Variants in CTSK observed in about 807,000 individuals in gnomAD.
CTSK encodes the protein cathepsin K.
A neutral mutation model predicts 40.5 loss-of-function variants in CTSK; 26 were observed. That is an observed-to-expected ratio of 0.64 (90% CI 0.47 to 0.89). The LOEUF (loss-of-function observed/expected upper bound fraction) is 0.89, where lower values mean the gene tolerates loss of function less well. Ranked by LOEUF, CTSK falls within the 40% of genes least tolerant of loss-of-function variation. The pLI is 0.00. For synonymous variants in CTSK, 132 were observed against 143.2 expected (o/e 0.92, Z 0.56); for missense variants, 292 against 400.1 (o/e 0.73, Z 2.30).
chr1:150,808,242 C>T lies in CTSK; in HGVS notation c.-30G>A, dbSNP rs976369210. 2.0e-5 allele frequency: 3 copies of T among 152,488 alleles called. No individual in the cohort carries two copies. The highest frequency in any genetic ancestry group is 4.8e-5 in the African/African-American group (2 of 41,424). The allele number at this position is 152,488 out of a possible 1,614,324, so 9.4% of individuals were successfully genotyped here. On this transcript the variant is annotated 5_prime_UTR_variant, in exon 1 of 8. Coordinates refer to ENST00000271651, the MANE Select transcript of CTSK (RefSeq NM_000396.4). ...CTGATGGAAATCTGTTGTCTGGCTT[C>T]GTTTCGGCAGCAAAGTGTGGGCACA... is the stretch of plus-strand genomic sequence containing the variant.
At chr1:150,807,005 TTCTC>T (rs71659432) in intron 1 of CTSK, among the ~76,000 whole-genome samples, 199 bp from the exon 2 acceptor site, 21 of 139,040 alleles carry the variant, frequency 1.5e-4, no homozygotes, top group South Asian at 7.3e-4. Flanking sequence ...ATTTCTCTCT[TTCTC>T]TCTCTCTCTC....
chr1:150,804,219 C>T lies in CTSK; in HGVS notation c.420G>A (p.Trp140Ter). The change falls in exon 5 of 8, where the codon TGG becomes TGA. Residue 140 changes from tryptophan to a stop codon, truncating the protein, a stop_gained. Coordinates refer to ENST00000271651, the MANE Select transcript of CTSK (RefSeq NM_000396.4). LOFTEE classifies it high-confidence loss of function. ...VKNQGQCGSC[W>*]AFSSVGALEG... ...CCAGGGCACCCACAGAGCTAAAAGC[C>T]CAACAGGAACCACACTGACCCTGAA... is the stretch of plus-strand genomic sequence containing the variant. The T allele has an allele frequency of 6.2e-7, 1 of 1,614,072 alleles. No individual in the cohort carries two copies. The highest frequency in any genetic ancestry group is 8.5e-7 in the Non-Finnish European group (1 of 1,179,966).
rs751884690 is a variant in CTSK, at chr1:150,799,528, A to G, written c.784+16T>C. ...ATCATAAAAGACAGTGCTGTATAGG[A>G]TCAGCAGCTTCTTACCTTTGCTGTA... On this transcript the variant is annotated intron_variant, in intron 6 of 7. Coordinates refer to ENST00000271651, the MANE Select transcript of CTSK (RefSeq NM_000396.4). 1 of 1,613,542 alleles carries G rather than the reference A, an allele frequency of 6.2e-7. No individual in the cohort carries two copies. Among genetic ancestry groups the G allele is most frequent in the Non-Finnish European group, 8.5e-7 (1 of 1,179,444 alleles).
At chr1:150,806,068 G>A in intron 3 of CTSK, 34 bp downstream of exon 3, 1 of 1,614,184 alleles carries the variant, frequency 6.2e-7, no homozygotes, top group Non-Finnish European at 8.5e-7. Flanking sequence ...AAAGCAAATG[G>A]TGCAGGTGGG....
At chr1:150,800,831 CATT>C (rs1304709775) in intron 5 of CTSK, 1 of 152,288 alleles carries the variant, frequency 6.6e-6, no homozygotes, top group East Asian at 1.9e-4. Context: ...CATTATCTAA[CATT>C]ATCTAAATAT....
rs760640027 is a variant in CTSK at position 150,806,144 on chromosome 1, ACCAAGAGAAGC to A, written c.190_200del (p.Ala64CysfsTer5). ...TCATAGCCAGTTCATATGTATGGACACCAAGAGAAGCCTCAAGGTTATGGATGGAAATATAC... is the reference window on the plus strand; with the variant it reads ...TCATAGCCAGTTCATATGTATGGACACTCAAGGTTATGGATGGAAATATAC... On this transcript the variant is annotated frameshift_variant, in exon 3 of 8. Transcript: ENST00000271651. LOFTEE classifies it high-confidence loss of function. The A allele has an allele frequency of 6.8e-6, 11 of 1,614,112 alleles. No homozygotes were observed. Among genetic ancestry groups the A allele is most frequent in the African/African-American group, 4.0e-5 (3 of 74,944 alleles).
intron 1 of CTSK, chr1:150,807,174 C>CAGTG (rs1258141140): frequency 8.8e-6 from 4 of 454,408 alleles, no homozygotes; most frequent in Non-Finnish European, 1.8e-5. Flanking sequence ...AGAATGGGCT[C>CAGTG]AGTGCGTTTC....
intron 4 of CTSK, 27 bp from the exon 5 acceptor site, chr1:150,804,266 A>G (rs778994079): frequency 7.0e-6 from 11 of 1,563,964 alleles, no homozygotes; most frequent in Middle Eastern, 1.7e-4. Flanking sequence ...GAAACTATCA[A>G]TCTTTGCTGT....
In CTSK at chr1:150,804,062, G is replaced by C. The variant is rs747914097; in HGVS notation, c.577C>G (p.Arg193Gly). ...TAGGCATCTTCAGAGTCAATACCCC[G>C]GTTCTTCTGCACATATTGGAAGGCA... ...TNAFQYVQKN[R>G]GIDSEDAYPY... The change falls in exon 5 of 8, where the codon CGG becomes GGG. Residue 193 changes from arginine (R) to glycine (G), a missense_variant. By Grantham distance (125) the Arg-to-Gly change is moderately radical. Coordinates refer to ENST00000271651, the MANE Select transcript of CTSK (RefSeq NM_000396.4). 1.2e-6 allele frequency: 2 copies of C among 1,614,120 alleles called. No individual in the cohort carries two copies. The highest frequency in any genetic ancestry group is 1.7e-5 in the Admixed American group (1 of 59,994).
chr1:150,807,225 A>G (rs773021776), intron 1 of CTSK: 1 of 473,804 alleles, frequency 2.1e-6, no homozygotes, highest in South Asian at 1.6e-5. Context: ...ACAAATAGCA[A>G]GGTGGTAGTG....
chr1:150,799,703 T>C lies in CTSK; in HGVS notation c.625A>G (p.Ser209Gly). ...DAYPYVGQEESCMYNPTGKAA... is the reference protein window; with the variant it reads ...DAYPYVGQEEGCMYNPTGKAA... ...TTGCCTGTTGGGTTGTACATACAAC[T>C]CTCTTCCTGGAAGAAACAAGATTGT... Residue 209 changes from serine to glycine, a missense_variant, in exon 6 of 8, where the codon AGT becomes GGT. Physicochemically the swap from Ser to Gly is moderately conservative, Grantham distance 56. Transcript: ENST00000271651. The C allele has an allele frequency of 6.2e-7, 1 of 1,614,048 alleles. No individual in the cohort carries two copies. Among genetic ancestry groups the C allele is most frequent in the Non-Finnish European group, 8.5e-7 (1 of 1,179,980 alleles).
chr1:150,807,404 C>T, intron 1 of CTSK: 1 of 470,730 alleles, frequency 2.1e-6, no homozygotes, highest in Non-Finnish European at 4.4e-6. Context: ...CATTGTATAT[C>T]TCCTCATTCT....
intron 4 of CTSK, among the ~76,000 whole-genome samples, chr1:150,804,746 C>T (rs1342014867): frequency 6.6e-6 from 1 of 152,024 alleles, no homozygotes; most frequent in Non-Finnish European, 1.5e-5. Context: ...CAGGTTGTGT[C>T]TTAGTCATCT....
chr1:150,803,926 A>C (rs1654038130), intron 5 of CTSK, 95 bp downstream of exon 5: 1 of 1,091,470 alleles, frequency 9.2e-7, no homozygotes, highest in African/African-American at 1.5e-5. Context: ...ATAGGATAAC[A>C]GAAAACAGTA....
In CTSK at chr1:150,806,619, T is replaced by C. The variant is rs148868110; in HGVS notation, c.120+67A>G. Reference sequence around the variant, plus strand: ...AGCATTTGGATTGAAGAAGGGAGTCTGGAAGCTAAGATGAGAGAGCTCAGG... The same window carrying C: ...AGCATTTGGATTGAAGAAGGGAGTCCGGAAGCTAAGATGAGAGAGCTCAGG... On this transcript the variant is annotated intron_variant, in intron 2 of 7. Coordinates refer to ENST00000271651, the MANE Select transcript of CTSK (RefSeq NM_000396.4). 2.3e-4 allele frequency: 370 copies of C among 1,605,662 alleles called. 2 individuals carry two copies. The Middle Eastern group carries it at 7.9e-3, about 34-fold the overall frequency.
chr1:150,797,091 T>G (rs1448163817), intron 7 of CTSK, among the ~76,000 whole-genome samples, 193 bp from the exon 8 acceptor site: 1 of 152,198 alleles, frequency 6.6e-6, no homozygotes, highest in Non-Finnish European at 1.5e-5. Context: ...AGATTCCTTC[T>G]GATCAAGAGA....
At chr1:150,806,952 G>A (rs1277619382) in intron 1 of CTSK, 146 bp from the exon 2 acceptor site, 1 of 938,322 alleles carries the variant, frequency 1.1e-6, no homozygotes, top group Middle Eastern at 2.2e-4. Context: ...ATAGGATGCT[G>A]GTACATCTGG....
rs1653982362 is a variant in CTSK at position 150,801,191 on chromosome 1, A to C, written c.619-1482T>G. On this transcript the variant is annotated intron_variant, in intron 5 of 7. Coordinates refer to ENST00000271651, the MANE Select transcript of CTSK (RefSeq NM_000396.4). ...ACCCAGGCTGGAGTGCAATGGCATG[A>C]TCTTGGCTCACTGCAACCTCTGCCT... 2.0e-5 allele frequency among the ~76,000 whole-genome samples: 3 copies of C among 152,094 alleles called. No individual in the cohort carries two copies. In the South Asian group the frequency reaches 6.2e-4, roughly 31 times the overall value.
rs142236668 is a variant in CTSK at position 150,802,024 on chromosome 1, T to A, written c.618+1997A>T. Among the ~76,000 whole-genome samples the A allele has an allele frequency of 4.3e-3, 644 of 151,330 alleles. 15 individuals carry two copies. Among genetic ancestry groups the A allele is most frequent in the Admixed American group, 0.036 (551 of 15,190 alleles). ...GGGGCATGGTGGCTCACACCTGTAA[T>A]CCCAGCACTTTGGGAGGCCGAGGCG... On this transcript the variant is annotated intron_variant, in intron 5 of 7. Coordinates refer to ENST00000271651, the MANE Select transcript of CTSK (RefSeq NM_000396.4).
Sources: allele counts gnomAD v4.1 joint callset (sites outside exome capture counted in the v4.1 genomes callset), GRCh38; gene constraint gnomAD v4.1.1; transcripts MANE v1.5; gene names NCBI Gene and HGNC (gene_info 2026-07-23, HGNC 2026-07-21).